The following N4BP2L1 variants were observed in gnomAD, a reference collection of about 807,000 sequenced individuals.
The protein encoded by N4BP2L1 is NEDD4 binding protein 2 like 1, also known as NEDD4-binding protein 2-like 1.
A neutral mutation model predicts 21.2 loss-of-function variants in N4BP2L1; 12 were observed. The ratio of observed to expected loss-of-function variants is 0.57; its 90% CI spans 0.36 to 0.92. The LOEUF is 0.92. N4BP2L1 is among the 40% of genes least tolerant of loss of function. The pLI is 0.01. For synonymous variants in N4BP2L1, 104 were observed against 112.8 expected (o/e 0.92, Z 0.49); for missense variants, 259 against 310.6 (o/e 0.83, Z 1.25).
In N4BP2L1 at chr13:32,402,976, TAGG is replaced by T. The variant is rs977032150; in HGVS notation, c.695_697del (p.Ser232del). Reference sequence around the variant, plus strand: ...ATGGTGACAACCGCCCCTTCTGTGATAGGAGCTCTCATTTGTAAATCCACCGTG... The same window carrying T: ...ATGGTGACAACCGCCCCTTCTGTGATAGCTCTCATTTGTAAATCCACCGTG... On this transcript the variant is annotated inframe_deletion, in exon 5 of 5. Transcript: ENST00000380130. 6.2e-7 allele frequency: 1 copy of T among 1,613,352 alleles called. No homozygotes were observed. Among genetic ancestry groups the T allele is most frequent in the Non-Finnish European group, 8.5e-7 (1 of 1,179,476 alleles).
At position 32,401,412 on chromosome 13, in the gene N4BP2L1, C is replaced by G. The variant is rs568689250; in HGVS notation, c.*1530G>C. ...TTGGGATTTACTATTGTCAGCCAAA[C>G]TTACTCAAAGGAGATACCAGTTTTT... On this transcript the variant is annotated 3_prime_UTR_variant, in exon 5 of 5. Transcript: ENST00000380130. The G allele has an allele frequency of 6.6e-6, 1 of 152,252 alleles. No individual in the cohort carries two copies. Among genetic ancestry groups the G allele is most frequent in the Non-Finnish European group, 1.5e-5 (1 of 68,018 alleles). The allele number at this position is 152,252 out of a possible 1,614,324, so 9.4% of individuals were successfully genotyped here. A position where few individuals can be genotyped will look rare whatever the true frequency, so the allele number is the denominator to read the frequency against.
At chr13:32,428,549 T>TC (rs535609306), upstream of N4BP2L1, among the ~76,000 whole-genome samples, 81 of 152,242 alleles carry the variant, frequency 5.3e-4, 1 homozygote, top group Middle Eastern at 3.4e-3. Context: ...AAGGCCATTG[T>TC]CTCCCCCGAT....
intron 1 of N4BP2L1, among the ~76,000 whole-genome samples, chr13:32,420,727 CTT>C (rs2074424692): frequency 1.3e-5 from 2 of 152,112 alleles, no homozygotes; most frequent in African/African-American, 4.8e-5. Flanking sequence ...GAGTTTTGCT[CTT>C]GTTGCCCAGG....
intron 1 of N4BP2L1, chr13:32,419,416 T>TTTTTTTTTTTTTTTTTTTTTTTTTTTTTA: frequency 3.5e-5 from 1 of 28,858 alleles, no homozygotes; most frequent in Non-Finnish European, 5.2e-5. Flanking sequence ...TGGCTAATTT[T>TTTTTTTTTTTTTTTTTTTTTTTTTTTTTA]TTTTTTTTTT....
intron 4 of N4BP2L1, 26 bp from the exon 5 acceptor site, chr13:32,403,226 T>C (rs1441668274): frequency 1.9e-6 from 3 of 1,569,166 alleles, no homozygotes; most frequent in Non-Finnish European, 2.6e-6. Flanking sequence ...ATGCATTTAG[T>C]TAAGGCAGGA....
chr13:32,419,572 G>T (rs1382989359), intron 1 of N4BP2L1: 1 of 251,500 alleles, frequency 4.0e-6, no homozygotes, highest in Non-Finnish European at 8.0e-6. Flanking sequence ...GCGCCCGGCT[G>T]ATCTGATGGT....
chr13:32,413,220 CT>C (rs1186031090), intron 1 of N4BP2L1, among the ~76,000 whole-genome samples: 6 of 152,232 alleles, frequency 3.9e-5, no homozygotes, highest in African/African-American at 1.4e-4. Context: ...GCCACCTCTC[CT>C]GGCCTAATGT....
Position 32,419,132 on chromosome 13 carries a change from C to T in N4BP2L1, c.179+8772G>A, listed in dbSNP as rs555020050. Among the ~76,000 whole-genome samples the T allele has an allele frequency of 4.6e-5, 7 of 152,128 alleles. No individual in the cohort carries two copies. The South Asian group carries it at 1.2e-3, about 27-fold the overall frequency. On this transcript the variant is annotated intron_variant, in intron 1 of 4. Coordinates refer to ENST00000380130, the MANE Select transcript of N4BP2L1 (RefSeq NM_052818.3). ...CCAAATCTCATCTTGAATTATAGTT[C>T]CCATAATCCCCACGTCATGGGAATT... is the stretch of plus-strand genomic sequence containing the variant.
chr13:32,426,706 G>A (rs1046250315), intron 1 of N4BP2L1, among the ~76,000 whole-genome samples: 2 of 152,120 alleles, frequency 1.3e-5, no homozygotes, highest in African/African-American at 4.8e-5. Flanking sequence ...CAGTGAGACG[G>A]GAAGCCCTTT....
intron 1 of N4BP2L1, among the ~76,000 whole-genome samples, chr13:32,414,991 T>C (rs140589454): frequency 6.6e-6 from 1 of 152,374 alleles, no homozygotes; most frequent in Non-Finnish European, 1.5e-5. Flanking sequence ...ATTTTAAATT[T>C]AGGTTTCAGT....
At position 32,402,934 on chromosome 13, in the gene N4BP2L1, A is replaced by C; in HGVS notation, c.*8T>G. On this transcript the variant is annotated 3_prime_UTR_variant, in exon 5 of 5. Coordinates refer to ENST00000380130, the MANE Select transcript of N4BP2L1 (RefSeq NM_052818.3). ...TAGGAAAATTCTGCCTGGCTGTAAG[A>C]TAGGCCTCTAATATCCATGGTGACA... 2.5e-6 allele frequency: 4 copies of C among 1,569,626 alleles called. No homozygotes were observed. The highest frequency in any genetic ancestry group is 3.5e-6 in the Non-Finnish European group (4 of 1,155,498).
At chr13:32,414,523 ATT>A (rs2137857323) in intron 1 of N4BP2L1, among the ~76,000 whole-genome samples, 1 of 152,010 alleles carries the variant, frequency 6.6e-6, no homozygotes, top group East Asian at 1.9e-4. Flanking sequence ...TTGCTTTTTA[ATT>A]TTGTTTGTAA....
intron 1 of N4BP2L1, among the ~76,000 whole-genome samples, chr13:32,419,239 C>CTTTTTT (rs34280009): frequency 4.9e-5 from 3 of 61,322 alleles, no homozygotes; most frequent in African/African-American, 1.5e-4. Flanking sequence ...CAAGATCTGG[C>CTTTTTT]TTTTTTTTTT....
chr13:32,404,259 C>T (rs377189702), intron 4 of N4BP2L1, 62 bp downstream of exon 4: 51 of 1,583,094 alleles, frequency 3.2e-5, no homozygotes, highest in African/African-American at 4.0e-5. Flanking sequence ...TTCTTTTGTT[C>T]GGTCTGAAAT....
intron 1 of N4BP2L1, among the ~76,000 whole-genome samples, chr13:32,409,066 A>G (rs2073697766): frequency 6.6e-6 from 1 of 152,244 alleles, no homozygotes; most frequent in Non-Finnish European, 1.5e-5. Flanking sequence ...TGGTGTTATA[A>G]TAACAATGAG....
chr13:32,407,545 C>T (rs2073599678), intron 2 of N4BP2L1, 100 bp downstream of exon 2: 2 of 1,600,998 alleles, frequency 1.2e-6, no homozygotes, highest in Non-Finnish European at 1.7e-6. Context: ...ATTGGCAGAA[C>T]TTTCGGTTAA....
intron 1 of N4BP2L1, chr13:32,416,470 C>A (rs1393749067): frequency 6.6e-6 from 1 of 152,224 alleles, no homozygotes; most frequent in African/African-American, 2.4e-5. Flanking sequence ...ATATCATGAA[C>A]AAATTTCAGT....
At chr13:32,427,870 G>T in intron 1 of N4BP2L1, 34 bp downstream of exon 1, 1 of 1,386,846 alleles carries the variant, frequency 7.2e-7, no homozygotes, top group East Asian at 3.1e-5. Flanking sequence ...GTGGCCCCGG[G>T]CCCGTGCACC....
chr13:32,419,843 T>A (rs2074377515), intron 1 of N4BP2L1, among the ~76,000 whole-genome samples: 1 of 152,228 alleles, frequency 6.6e-6, no homozygotes. Flanking sequence ...TCCCAGCACT[T>A]CCTCTGAATG....
Sources: allele counts gnomAD v4.1 joint callset (sites outside exome capture counted in the v4.1 genomes callset), GRCh38; gene constraint gnomAD v4.1.1; transcripts MANE v1.5; gene names NCBI Gene and HGNC (gene_info 2026-07-23, HGNC 2026-07-21).